DYDC2: variants seen among roughly 807,000 people sequenced by gnomAD.
The protein encoded by DYDC2 is DPY30 domain containing 2.
DYDC2 carries 19 observed loss-of-function variants against 18.7 expected under a neutral mutation model. The observed-to-expected ratio is 1.02, with a 90% CI of 0.71 to 1.49. The LOEUF (loss-of-function observed/expected upper bound fraction) is 1.49, where lower values mean the gene tolerates loss of function less well. Among genes scored for constraint, DYDC2 ranks in the 40% most tolerant of loss-of-function variants. The probability of loss-of-function intolerance (pLI) is 0.00; values close to 1 mark genes in which losing one functional copy is unlikely to be tolerated. For missense variants in DYDC2, 179 were observed against 205.1 expected (o/e 0.87, Z 0.78); for synonymous variants, 63 against 67.6 (o/e 0.93, Z 0.34).
upstream of DYDC2, among the ~76,000 whole-genome samples, chr10:80,353,989 G>A (rs1036961727): frequency 2.6e-5 from 4 of 151,348 alleles, no homozygotes; most frequent in South Asian, 2.1e-4. Flanking sequence ...GGTGGCGGGC[G>A]CCTGTAGTCC....
chr10:80,365,486 A>T (rs1475607711), intron 4 of DYDC2, among the ~76,000 whole-genome samples: 2 of 152,232 alleles, frequency 1.3e-5, no homozygotes, highest in Non-Finnish European at 2.9e-5. Context: ...TTTTTATAGA[A>T]TGAATAGATA....
chr10:80,346,707 G>C (rs148035577), intron 1 of DYDC2, among the ~76,000 whole-genome samples: 2 of 151,302 alleles, frequency 1.3e-5, no homozygotes, highest in African/African-American at 4.9e-5. Context: ...TGATCTGCCC[G>C]CCTCAGCCTC....
intron 1 of DYDC2, among the ~76,000 whole-genome samples, chr10:80,347,850 C>A (rs541186911): frequency 6.6e-6 from 1 of 152,312 alleles, no homozygotes; most frequent in South Asian, 2.1e-4. Context: ...GTTGTAATTA[C>A]TATGGCTTTG....
intron 2 of DYDC2, among the ~76,000 whole-genome samples, chr10:80,359,872 C>T (rs945326978): frequency 6.6e-6 from 1 of 152,166 alleles, no homozygotes; most frequent in Non-Finnish European, 1.5e-5. Flanking sequence ...CGCGCCTCTC[C>T]CTCCACACCT....
intron 1 of DYDC2, among the ~76,000 whole-genome samples, chr10:80,357,161 G>A (rs1451427000): frequency 2.7e-5 from 4 of 149,296 alleles, no homozygotes; most frequent in African/African-American, 9.9e-5. Flanking sequence ...CGCGCACGAG[G>A]GGGCAACGGG....
intron 2 of DYDC2, 120 bp from the exon 3 acceptor site, chr10:80,362,315 G>A (rs1235447942): frequency 4.4e-6 from 6 of 1,361,116 alleles, no homozygotes; most frequent in East Asian, 4.8e-5. Flanking sequence ...TTTGGGAAAG[G>A]TGTGATCCAG....
At chr10:80,346,845 T>C (rs1589509731) in intron 1 of DYDC2, among the ~76,000 whole-genome samples, 1 of 151,110 alleles carries the variant, frequency 6.6e-6, no homozygotes, top group Non-Finnish European at 1.5e-5. Context: ...GAGGCCGAGG[T>C]GGGTGGATCA....
intron 3 of DYDC2, 99 bp downstream of exon 3, chr10:80,362,689 T>C: frequency 6.7e-7 from 1 of 1,497,404 alleles, no homozygotes; most frequent in African/African-American, 1.4e-5. Context: ...CTGGGGAATT[T>C]CTTGGTTTAT....
At chr10:80,351,398 A>G (rs1490380368) in intron 1 of DYDC2, among the ~76,000 whole-genome samples, 2 of 152,140 alleles carry the variant, frequency 1.3e-5, no homozygotes, top group Non-Finnish European at 2.9e-5. Flanking sequence ...CTCTTAAATC[A>G]AAACAAACAC....
At chr10:80,353,455 C>A (rs1175421541), upstream of DYDC2, among the ~76,000 whole-genome samples, 1 of 151,486 alleles carries the variant, frequency 6.6e-6, no homozygotes, top group Non-Finnish European at 1.5e-5. Context: ...AGCCACCGCG[C>A]CTGGCCGACC....
At chr10:80,346,950 G>T (rs1842680050) in intron 1 of DYDC2, among the ~76,000 whole-genome samples, 1 of 151,880 alleles carries the variant, frequency 6.6e-6, no homozygotes, top group Non-Finnish European at 1.5e-5. Flanking sequence ...TGTGGTGGCG[G>T]GTGCCTGTAA....
chr10:80,352,057 A>G (rs976438469), upstream of DYDC2: 14 of 1,551,098 alleles, frequency 9.0e-6, no homozygotes, highest in African/African-American at 1.6e-4. Flanking sequence ...AGCAATTTGT[A>G]AAAGCAATCT....
upstream of DYDC2, among the ~76,000 whole-genome samples, chr10:80,353,184 A>C (rs1843107189): frequency 6.6e-6 from 1 of 152,062 alleles, no homozygotes; most frequent in African/African-American, 2.4e-5. Flanking sequence ...CCAAGGCCAA[A>C]GAATAAAAAC....
intron 2 of DYDC2, among the ~76,000 whole-genome samples, chr10:80,361,057 A>G (rs1843652399): frequency 6.6e-6 from 1 of 152,040 alleles, no homozygotes; most frequent in African/African-American, 2.4e-5. Flanking sequence ...ATAGGCGTGC[A>G]CCACCATGCC....
At chr10:80,354,154 G>A (rs1407558998), upstream of DYDC2, among the ~76,000 whole-genome samples, 2 of 149,254 alleles carry the variant, frequency 1.3e-5, no homozygotes, top group Admixed American at 1.3e-4. Context: ...ATTTTTTCCT[G>A]AGAATCTGAT....
At position 80,346,444 on chromosome 10, in the gene DYDC2, C is replaced by CTTTTTTTTTTTTTTTTTTTTTTT; in HGVS notation, c.-310+1634_-310+1656dup. On this transcript the variant is annotated intron_variant, in intron 1 of 4. Transcript: ENST00000372197. ...TCACCAATGTGTGTCTCTTCCCTTT[C>CTTTTTTTTTTTTTTTTTTTTTTT]TTTTTTTTTTTTTTTTTTTTTTTTT... Among the ~76,000 whole-genome samples the CTTTTTTTTTTTTTTTTTTTTTTT allele has an allele frequency of 5.2e-4, 43 of 83,358 alleles. 5 individuals are homozygous for CTTTTTTTTTTTTTTTTTTTTTTT. The highest frequency in any genetic ancestry group is 1.6e-3 in the African/African-American group (32 of 20,114). The allele number at this position is 83,358 out of a possible 152,430, so 54.7% of individuals were successfully genotyped here. A position where few individuals can be genotyped will look rare whatever the true frequency, so the allele number is the denominator to read the frequency against.
At chr10:80,363,214 C>A in intron 4 of DYDC2, 141 bp downstream of exon 4, 5 of 671,314 alleles carry the variant, frequency 7.4e-6, no homozygotes, top group Admixed American at 3.9e-5. Context: ...CAAGTATTCA[C>A]ATATTTGCAT....
chr10:80,364,590 C>T (rs2132901417), intron 4 of DYDC2, among the ~76,000 whole-genome samples: 1 of 152,240 alleles, frequency 6.6e-6, no homozygotes, highest in East Asian at 1.9e-4. Context: ...GTTTTGCATC[C>T]TGCAGCAATA....
chr10:80,362,378 T>G (rs1843688589), intron 2 of DYDC2, 57 bp from the exon 3 acceptor site: 16 of 1,564,432 alleles, frequency 1.0e-5, no homozygotes, highest in Non-Finnish European at 1.4e-5. Flanking sequence ...AATGTGTCTA[T>G]TTTTAATATC....
Sources: gnomAD v4.1 joint callset for allele counts (sites outside exome capture counted in the v4.1 genomes callset) on GRCh38, gnomAD v4.1.1 for gene constraint, MANE v1.5 for transcripts, NCBI Gene and HGNC (gene_info 2026-07-23, HGNC 2026-07-21) for gene names.